Variants in EYA4 observed in about 807,000 individuals in gnomAD.
EYA4 encodes protein phosphatase EYA4.
Under a neutral mutation model 87.9 loss-of-function variants are expected in EYA4, and 31 were observed. The observed-to-expected ratio is 0.35, with a 90% CI of 0.27 to 0.48. The LOEUF (loss-of-function observed/expected upper bound fraction) is 0.48, where lower values mean the gene tolerates loss of function less well. Among genes scored for constraint, EYA4 ranks in the 20% least tolerant of loss-of-function variants. The pLI is 0.99. For missense variants in EYA4, 678 were observed against 761.4 expected (o/e 0.89, Z 1.29); for synonymous variants, 263 against 270.6 (o/e 0.97, Z 0.28).
In EYA4 at chr6:133,332,711, A is replaced by ATTTTTTT. The variant is rs71003634; in HGVS notation, c.34-49662_34-49656dup. ...GGCATGTGCCACCACGCCCAGCTAA[A>ATTTTTTT]TTTTTTTTTTTTTTTTTTTTTTTTT... On this transcript the variant is annotated intron_variant, in intron 2 of 19. Transcript: ENST00000355286. 1.1e-3 allele frequency among the ~76,000 whole-genome samples: 132 copies of ATTTTTTT among 124,858 alleles called. 1 individual carries two copies. Among genetic ancestry groups the ATTTTTTT allele is most frequent in the Non-Finnish European group, 1.5e-3 (93 of 61,256 alleles). 81.9% of individuals were successfully genotyped at this position (124,858 alleles called of 152,430 possible).
At chr6:133,429,760 A>C (rs1167484296) in intron 3 of EYA4, among the ~76,000 whole-genome samples, 1 of 152,206 alleles carries the variant, frequency 6.6e-6, no homozygotes, top group East Asian at 1.9e-4. Flanking sequence ...TCAACTTGTC[A>C]AGTCTCTTTG....
intron 16 of EYA4, among the ~76,000 whole-genome samples, chr6:133,513,279 G>A (rs1273328717): frequency 6.6e-6 from 1 of 152,206 alleles, no homozygotes; most frequent in Non-Finnish European, 1.5e-5. Context: ...GTTTGGTCAA[G>A]ATTTATACCA....
intron 2 of EYA4, among the ~76,000 whole-genome samples, chr6:133,359,333 A>G (rs1187852623): frequency 1.3e-5 from 2 of 152,172 alleles, no homozygotes; most frequent in Non-Finnish European, 2.9e-5. Flanking sequence ...ACAGTTTCAT[A>G]CTTTTCTGAT....
At chr6:133,294,693 G>T (rs1200541267) in intron 2 of EYA4, among the ~76,000 whole-genome samples, 1 of 152,050 alleles carries the variant, frequency 6.6e-6, no homozygotes, top group African/African-American at 2.4e-5. Flanking sequence ...TCAGCCTCCA[G>T]AGTACCTGGG....
At position 133,359,295 on chromosome 6, in the gene EYA4, C is replaced by G. The variant is rs551582672; in HGVS notation, c.34-23097C>G. ...CTCCTTTGACCCCTAGTCCTAGGCT[C>G]TTTGTGCTGTGAAAATTTCCTAGCT... On this transcript the variant is annotated intron_variant, in intron 2 of 19. Transcript: ENST00000355286. Among the ~76,000 whole-genome samples, 10 of 152,246 alleles carry G rather than the reference C, an allele frequency of 6.6e-5. No individual in the cohort carries two copies. The South Asian group carries it at 8.3e-4, about 13-fold the overall frequency.
At chr6:133,395,579 G>A (rs1787712400) in intron 3 of EYA4, among the ~76,000 whole-genome samples, 1 of 152,106 alleles carries the variant, frequency 6.6e-6, no homozygotes, top group African/African-American at 2.4e-5. Context: ...GGCCAACATG[G>A]TGAAACCCCA....
At chr6:133,366,518 C>G (rs773992159) in intron 2 of EYA4, among the ~76,000 whole-genome samples, 18 of 152,132 alleles carry the variant, frequency 1.2e-4, no homozygotes, top group Admixed American at 5.9e-4. Flanking sequence ...GCCCACAGCC[C>G]CACCTCCATT....
At chr6:133,339,865 C>G (rs75761652) in intron 2 of EYA4, among the ~76,000 whole-genome samples, 109 of 152,202 alleles carry the variant, frequency 7.2e-4, no homozygotes, top group African/African-American at 2.5e-3. Context: ...TTTGAGGCAG[C>G]GAAGGACTGT....
chr6:133,500,699 C>G (rs1798042506), intron 13 of EYA4, among the ~76,000 whole-genome samples: 1 of 152,136 alleles, frequency 6.6e-6, no homozygotes, highest in African/African-American at 2.4e-5. Context: ...TTCCGTGCTC[C>G]CTCACCTACC....
In EYA4 at chr6:133,483,088, C is replaced by CGA; in HGVS notation, c.1165_1166insAG (p.Gly389GlufsTer16). 1 of 1,612,612 alleles carries CGA rather than the reference C, an allele frequency of 6.2e-7. No individual in the cohort carries two copies. The highest frequency in any genetic ancestry group is 8.5e-7 in the Non-Finnish European group (1 of 1,179,016). ...TCATTGTTTTTCACTCACTGCTCACCGGGTCTTATGCACAGAAGTATGGCA... is the reference window on the plus strand; with the variant it reads ...TCATTGTTTTTCACTCACTGCTCACCGAGGGTCTTATGCACAGAAGTATGGCA... On this transcript the variant is annotated frameshift_variant, in exon 13 of 20. Transcript: ENST00000355286. LOFTEE classifies it high-confidence loss of function.
chr6:133,412,032 T>C (rs1789286296), intron 3 of EYA4, among the ~76,000 whole-genome samples: 1 of 152,240 alleles, frequency 6.6e-6, no homozygotes, highest in Admixed American at 6.5e-5. Context: ...TTCTGTTCCC[T>C]TCTTCAAAGT....
chr6:133,329,326 G>A (rs916187576), intron 2 of EYA4, among the ~76,000 whole-genome samples: 3 of 151,984 alleles, frequency 2.0e-5, no homozygotes, highest in Non-Finnish European at 2.9e-5. Flanking sequence ...CTCCCAGTCC[G>A]TTGAGTAACT....
intron 17 of EYA4, among the ~76,000 whole-genome samples, chr6:133,518,012 C>A (rs1799750974): frequency 6.6e-6 from 1 of 152,222 alleles, no homozygotes; most frequent in Non-Finnish European, 1.5e-5. Context: ...ATGTCTAAAC[C>A]AGTTGAAATG....
chr6:133,521,432 T>G lies in EYA4; in HGVS notation c.1617-1624T>G, dbSNP rs1800123995. Among the ~76,000 whole-genome samples the G allele has an allele frequency of 1.5e-4, 21 of 139,874 alleles. No individual in the cohort carries two copies. The South Asian group carries it at 5.2e-3, about 34-fold the overall frequency. 91.8% of individuals were successfully genotyped at this position (139,874 alleles called of 152,430 possible). On this transcript the variant is annotated intron_variant, in intron 17 of 19. Transcript: ENST00000355286. ...ACAATGAGATACCATCTCACACCAGTTAGAATGGCAATCATTAAAAAGTCA... is the reference window on the plus strand; with the variant it reads ...ACAATGAGATACCATCTCACACCAGGTAGAATGGCAATCATTAAAAAGTCA...
At chr6:133,306,013 A>G (rs1779774658) in intron 2 of EYA4, among the ~76,000 whole-genome samples, 1 of 151,906 alleles carries the variant, frequency 6.6e-6, no homozygotes, top group Non-Finnish European at 1.5e-5. Flanking sequence ...GTTCTTCTAA[A>G]TGGTATGTTT....
intron 1 of EYA4, among the ~76,000 whole-genome samples, chr6:133,249,655 T>G (rs1280860377): frequency 6.6e-6 from 1 of 152,228 alleles, no homozygotes; most frequent in Non-Finnish European, 1.5e-5. Context: ...ACTTCATTTC[T>G]TTGTGCGTGG....
intron 3 of EYA4, among the ~76,000 whole-genome samples, chr6:133,440,836 T>A (rs1206572108): frequency 1.3e-5 from 2 of 152,190 alleles, no homozygotes; most frequent in African/African-American, 2.4e-5. Flanking sequence ...GTACTGATTA[T>A]ATTTGTAAAG....
At chr6:133,419,007 A>G (rs1264486770) in intron 3 of EYA4, among the ~76,000 whole-genome samples, 1 of 152,192 alleles carries the variant, frequency 6.6e-6, no homozygotes, top group Non-Finnish European at 1.5e-5. Flanking sequence ...ATATCCACTC[A>G]TAGGACATAG....
intron 3 of EYA4, among the ~76,000 whole-genome samples, chr6:133,435,847 A>C (rs1398621553): frequency 6.6e-6 from 1 of 152,118 alleles, no homozygotes; most frequent in Non-Finnish European, 1.5e-5. Flanking sequence ...GTACACACAC[A>C]CACACAGACA....
Sources: allele counts gnomAD v4.1 joint callset (sites outside exome capture counted in the v4.1 genomes callset), GRCh38; gene constraint gnomAD v4.1.1; transcripts MANE v1.5; gene names NCBI Gene and HGNC (gene_info 2026-07-23, HGNC 2026-07-21).